SLC30A4: variants seen among roughly 807,000 people sequenced by gnomAD.
The protein encoded by SLC30A4 is probable proton-coupled zinc antiporter SLC30A4.
SLC30A4 carries 20 observed loss-of-function variants against 41.7 expected under a neutral mutation model. The ratio of observed to expected loss-of-function variants is 0.48; its 90% CI spans 0.34 to 0.70. SLC30A4 has a LOEUF of 0.70. Among genes scored for constraint, SLC30A4 ranks in the 30% least tolerant of loss-of-function variants. The pLI, the probability that SLC30A4 is intolerant of heterozygous loss-of-function variation, is 0.01. For synonymous variants in SLC30A4, 181 were observed against 195.9 expected (o/e 0.92, Z 0.64); for missense variants, 441 against 529.3 (o/e 0.83, Z 1.64).
chr15:45,502,249 G>A (rs925896847), intron 3 of SLC30A4: 1 of 151,728 alleles, frequency 6.6e-6, no homozygotes, highest in African/African-American at 2.4e-5. Flanking sequence ...TTATAAGCAT[G>A]TGCCACATGT....
At chr15:45,518,680 A>C (rs1892571291) in intron 2 of SLC30A4, among the ~76,000 whole-genome samples, 1 of 151,712 alleles carries the variant, frequency 6.6e-6, no homozygotes, top group African/African-American at 2.4e-5. Flanking sequence ...CTGCCACTTC[A>C]GCCTCCAGAG....
chr15:45,510,208 T>A, intron 3 of SLC30A4, among the ~76,000 whole-genome samples: 1 of 145,470 alleles, frequency 6.9e-6, no homozygotes, highest in Non-Finnish European at 1.5e-5. Context: ...AAACAAAAAG[T>A]TTACTGCACT....
At chr15:45,486,558 T>A in intron 7 of SLC30A4, 53 bp downstream of exon 7, 4 of 1,489,672 alleles carry the variant, frequency 2.7e-6, no homozygotes, top group Non-Finnish European at 3.6e-6. Context: ...ATGTTTAGTT[T>A]CAAAGGCAGA....
intron 3 of SLC30A4, among the ~76,000 whole-genome samples, chr15:45,508,906 T>G (rs1270734170): frequency 6.6e-6 from 1 of 152,234 alleles, no homozygotes; most frequent in African/African-American, 2.4e-5. Flanking sequence ...AGTTTCATTA[T>G]TATGGGTTCT....
intron 2 of SLC30A4, among the ~76,000 whole-genome samples, chr15:45,518,407 G>C (rs1892558530): frequency 1.3e-5 from 2 of 152,054 alleles, no homozygotes; most frequent in African/African-American, 2.4e-5. Flanking sequence ...GTTCTCCATT[G>C]TACATTCAGA....
chr15:45,515,190 T>A (rs1892430384), intron 2 of SLC30A4, among the ~76,000 whole-genome samples: 2 of 152,036 alleles, frequency 1.3e-5, no homozygotes, highest in Non-Finnish European at 2.9e-5. Context: ...CTTGGCTTTT[T>A]TTTTTTCTTC....
rs923849903 is a variant in SLC30A4 at position 45,522,229 on chromosome 15, C to A, written c.126G>T (p.Arg42=). Residue 42 remains arginine, a synonymous_variant, in exon 2 of 8, where the codon CGG becomes CGT. Transcript: ENST00000261867. ...CCACCACAACTCGAAGTTTGTTGAA[C>A]CGAGAAAGCCCCTCGTCCCCCGCCT... ...SDEAGDEGLS[R]FNKLRVVVAD... 5 of 1,614,240 alleles carry A rather than the reference C, an allele frequency of 3.1e-6. No homozygotes were observed. The highest frequency in any genetic ancestry group is 4.5e-5 in the East Asian group (2 of 44,878).
intron 2 of SLC30A4, chr15:45,520,757 G>A (rs1892640681): frequency 4.6e-6 from 1 of 215,920 alleles, no homozygotes; most frequent in South Asian, 6.0e-5. Flanking sequence ...ATCACATGAA[G>A]GAAAACTTTT....
At chr15:45,506,231 TAATAA>T (rs934742887) in intron 3 of SLC30A4, among the ~76,000 whole-genome samples, 1 of 151,934 alleles carries the variant, frequency 6.6e-6, no homozygotes, top group African/African-American at 2.4e-5. Flanking sequence ...ATAAATAAAT[TAATAA>T]AATAAAATTT....
At chr15:45,514,814 C>G (rs965358926) in intron 2 of SLC30A4, among the ~76,000 whole-genome samples, 3 of 152,054 alleles carry the variant, frequency 2.0e-5, no homozygotes, top group Non-Finnish European at 4.4e-5. Flanking sequence ...CGTGCCTGGC[C>G]TCTAAATTGT....
At chr15:45,507,517 T>C (rs892018384) in intron 3 of SLC30A4, among the ~76,000 whole-genome samples, 8 of 149,136 alleles carry the variant, frequency 5.4e-5, no homozygotes, top group African/African-American at 2.0e-4. Context: ...TTTTTTTGTC[T>C]CACTCTGTTG....
At chr15:45,488,047 C>A (rs79904139) in intron 5 of SLC30A4, among the ~76,000 whole-genome samples, 2,898 of 150,886 alleles carry the variant, frequency 0.019, 43 homozygotes, top group Non-Finnish European at 0.03. Context: ...GATCCTCCAG[C>A]CTCAGCTGGG....
intron 2 of SLC30A4, among the ~76,000 whole-genome samples, chr15:45,521,633 T>C (rs1892669758): frequency 6.6e-6 from 1 of 152,226 alleles, no homozygotes; most frequent in South Asian, 2.1e-4. Context: ...TTTACTATTT[T>C]AAACGTTGCG....
At chr15:45,495,649 A>G (rs1891894766) in intron 3 of SLC30A4, among the ~76,000 whole-genome samples, 1 of 152,230 alleles carries the variant, frequency 6.6e-6, no homozygotes. Flanking sequence ...AAGTGAAATG[A>G]AAGTCAAACA....
chr15:45,511,315 C>A (rs1595530060), intron 2 of SLC30A4, 31 bp from the exon 3 acceptor site: 3 of 1,484,936 alleles, frequency 2.0e-6, no homozygotes, highest in South Asian at 1.5e-5. Flanking sequence ...AAAAAAGGAA[C>A]AAGTTAATTT....
At chr15:45,487,703 A>AC in intron 5 of SLC30A4, 71 bp from the exon 6 acceptor site, 1 of 721,914 alleles carries the variant, frequency 1.4e-6, no homozygotes. Context: ...CAAAGCAAGG[A>AC]ATATGTCCCT....
At chr15:45,493,834 A>C (rs910058342) in intron 3 of SLC30A4, among the ~76,000 whole-genome samples, 1 of 152,128 alleles carries the variant, frequency 6.6e-6, no homozygotes, top group African/African-American at 2.4e-5. Flanking sequence ...CTCAAAAACA[A>C]AAACAAAAAA....
intron 2 of SLC30A4, 31 bp downstream of exon 2, chr15:45,521,932 TA>T (rs1892679446): frequency 6.3e-7 from 1 of 1,593,622 alleles, no homozygotes; most frequent in African/African-American, 1.3e-5. Flanking sequence ...CGAGGAAAGG[TA>T]AACGGAAAGT....
chr15:45,488,905 T>C lies in SLC30A4; in HGVS notation c.830A>G (p.His277Arg). Residue 277 changes from histidine (H) to arginine (R), a missense_variant, in exon 5 of 8, where the codon CAT (histidine) becomes CGT (arginine). By Grantham distance (29) the His-to-Arg change is conservative (BLOSUM62 0). Around this residue, in one of 3 missense-constraint regions of SLC30A4, gnomAD observed 29 missense variants for 66.4 expected, o/e 0.44. Coordinates refer to ENST00000261867, the MANE Select transcript of SLC30A4 (RefSeq NM_013309.6). ...ACTCTGTACCAAATCTCCCAAAGCA[T>C]GTACAAATGCAGCTCTCACTGCCAG... ...DSLAVRAAFVHALGDLVQSVG... is the reference protein window; with the variant it reads ...DSLAVRAAFVRALGDLVQSVG... 1 of 1,614,142 alleles carries C rather than the reference T, an allele frequency of 6.2e-7. No individual in the cohort carries two copies. Among genetic ancestry groups the C allele is most frequent in the Non-Finnish European group, 8.5e-7 (1 of 1,180,020 alleles).
Sources: gnomAD v4.1 joint callset for allele counts (sites outside exome capture counted in the v4.1 genomes callset) on GRCh38, gnomAD v4.1.1 for gene constraint, gnomAD v4.1.1 regional missense constraint, MANE v1.5 for transcripts, NCBI Gene and HGNC (gene_info 2026-07-23, HGNC 2026-07-21) for gene names.